The following FSTL5 variants were observed in gnomAD, a reference collection of about 807,000 sequenced individuals.
The protein encoded by FSTL5 is follistatin like 5, also known as follistatin-related protein 5.
A neutral mutation model predicts 89.1 loss-of-function variants in FSTL5; 62 were observed. The observed-to-expected ratio is 0.70, with a 90% CI of 0.57 to 0.86. The LOEUF (loss-of-function observed/expected upper bound fraction) is 0.86. Ranked by LOEUF, FSTL5 falls within the 40% of genes least tolerant of loss-of-function variation. The probability of loss-of-function intolerance (pLI) is 0.00; values close to 1 mark genes in which losing one functional copy is unlikely to be tolerated. For missense variants in FSTL5, 1,057 were observed against 1,001.6 expected (o/e 1.06, Z -0.75); for synonymous variants, 383 against 346.2 (o/e 1.11, Z -1.18).
At position 161,756,750 on chromosome 4, in the gene FSTL5, T is replaced by G. The variant is rs371313128; in HGVS notation, c.727+2661A>C. Among the ~76,000 whole-genome samples the G allele has an allele frequency of 1.3e-5, 2 of 152,298 alleles. 1 individual carries two copies. On this transcript the variant is annotated intron_variant, in intron 6 of 15. Coordinates refer to ENST00000306100, the MANE Select transcript of FSTL5 (RefSeq NM_020116.5). ...AGGGATTGCTTTTCAGTGTCTTTGCTGGCTATCATAAAAATAACAGATTAC... is the reference window on the plus strand; with the variant it reads ...AGGGATTGCTTTTCAGTGTCTTTGCGGGCTATCATAAAAATAACAGATTAC...
At chr4:161,661,236 C>G (rs1304668125) in intron 6 of FSTL5, among the ~76,000 whole-genome samples, 1 of 152,094 alleles carries the variant, frequency 6.6e-6, no homozygotes, top group Non-Finnish European at 1.5e-5. Flanking sequence ...TTCTGCTTTT[C>G]TAAATATCGA....
intron 15 of FSTL5, among the ~76,000 whole-genome samples, chr4:161,412,672 C>A (rs956034636): frequency 6.6e-6 from 1 of 151,982 alleles, no homozygotes; most frequent in Admixed American, 6.6e-5. Context: ...AAAACAAAAC[C>A]AAAACACAGT....
At chr4:161,954,278 T>C (rs1578889411) in intron 3 of FSTL5, among the ~76,000 whole-genome samples, 1 of 151,608 alleles carries the variant, frequency 6.6e-6, no homozygotes, top group African/African-American at 2.4e-5. Flanking sequence ...AAATAACTTT[T>C]TCAAATGAGA....
At chr4:161,979,845 C>G (rs1225271032) in intron 3 of FSTL5, among the ~76,000 whole-genome samples, 2 of 151,992 alleles carry the variant, frequency 1.3e-5, no homozygotes, top group African/African-American at 4.8e-5. Context: ...GGTATGTGTT[C>G]TACGCATGTT....
chr4:161,493,172 A>T (rs1729942403), intron 12 of FSTL5, among the ~76,000 whole-genome samples: 1 of 151,866 alleles, frequency 6.6e-6, no homozygotes, highest in African/African-American at 2.4e-5. Context: ...AAAGATAAAG[A>T]TTTAATCATT....
At chr4:161,566,749 G>A (rs1439997090) in intron 8 of FSTL5, among the ~76,000 whole-genome samples, 1 of 151,986 alleles carries the variant, frequency 6.6e-6, no homozygotes, top group African/African-American at 2.4e-5. Context: ...GAAGGAGGGA[G>A]TAGCAAAAAT....
intron 9 of FSTL5, 122 bp from the exon 10 acceptor site, chr4:161,538,422 T>C: frequency 9.2e-7 from 1 of 1,092,136 alleles, no homozygotes; most frequent in Non-Finnish European, 1.3e-6. Flanking sequence ...CCTTCCTACT[T>C]CCATACTTTG....
chr4:161,798,569 T>C lies in FSTL5; in HGVS notation c.410-22495A>G, dbSNP rs549702233. ...TTGGTCTACATCTGTGGTTCTCACA[T>C]TACAGTTAAAATGCAAATTCTCAGC... On this transcript the variant is annotated intron_variant, in intron 4 of 15. Coordinates refer to ENST00000306100, the MANE Select transcript of FSTL5 (RefSeq NM_020116.5). Among the ~76,000 whole-genome samples, 5 of 151,658 alleles carry C rather than the reference T, an allele frequency of 3.3e-5. No individual in the cohort carries two copies. In the South Asian group the frequency reaches 1.0e-3, roughly 31 times the overall value.
At chr4:161,683,216 A>G (rs1737587986) in intron 6 of FSTL5, among the ~76,000 whole-genome samples, 1 of 151,718 alleles carries the variant, frequency 6.6e-6, no homozygotes, top group Non-Finnish European at 1.5e-5. Flanking sequence ...ATTTACATCA[A>G]TGTCACCACA....
intron 6 of FSTL5, among the ~76,000 whole-genome samples, chr4:161,692,945 A>G (rs146415313): frequency 1.4e-4 from 22 of 152,152 alleles, no homozygotes; most frequent in Admixed American, 7.2e-4. Flanking sequence ...GAAGGTCTCA[A>G]TCTCCTGACC....
At chr4:161,409,393 T>A (rs962377421) in intron 15 of FSTL5, among the ~76,000 whole-genome samples, 3 of 151,634 alleles carry the variant, frequency 2.0e-5, no homozygotes, top group Non-Finnish European at 4.4e-5. Context: ...TTATTATTAT[T>A]ATTTTTTTGA....
chr4:161,714,735 AT>A (rs1738917227), intron 6 of FSTL5, among the ~76,000 whole-genome samples: 1 of 152,150 alleles, frequency 6.6e-6, no homozygotes, highest in African/African-American at 2.4e-5. Flanking sequence ...CATACAAGCC[AT>A]TGTTTTTGCT....
intron 5 of FSTL5, among the ~76,000 whole-genome samples, chr4:161,773,741 G>A (rs1446284930): frequency 6.6e-6 from 1 of 152,158 alleles, no homozygotes; most frequent in Non-Finnish European, 1.5e-5. Context: ...CCGCTGGTGG[G>A]AAACGTAAAC....
chr4:162,023,617 A>G (rs1319269238), intron 3 of FSTL5, among the ~76,000 whole-genome samples: 3 of 152,198 alleles, frequency 2.0e-5, no homozygotes, highest in African/African-American at 4.8e-5. Flanking sequence ...GAACTGACAC[A>G]TTGATCAAAG....
intron 3 of FSTL5, among the ~76,000 whole-genome samples, chr4:162,005,440 T>A (rs988822283): frequency 1.3e-5 from 2 of 152,116 alleles, no homozygotes; most frequent in Admixed American, 6.6e-5. Context: ...CATTATTTTA[T>A]GCATTATTGA....
At chr4:161,958,398 G>A (rs548459961) in intron 3 of FSTL5, among the ~76,000 whole-genome samples, 1 of 152,180 alleles carries the variant, frequency 6.6e-6, no homozygotes, top group South Asian at 2.1e-4. Flanking sequence ...TGATTTGATA[G>A]AATGAATTGA....
chr4:162,053,955 A>G (rs1158788607), intron 2 of FSTL5, among the ~76,000 whole-genome samples: 1 of 151,750 alleles, frequency 6.6e-6, no homozygotes, highest in Non-Finnish European at 1.5e-5. Flanking sequence ...TCCTCATCTC[A>G]TTTGATGAAT....
rs1322403840 is a variant in FSTL5 at position 161,683,464 on chromosome 4, T to C, written c.728-26970A>G. On this transcript the variant is annotated intron_variant, in intron 6 of 15. Transcript: ENST00000306100. The stretch of plus-strand genomic sequence containing the variant: ...TAGCAAGGACAGTATTAATGAAATT[T>C]ATTACTGTTTCACATTAGCATTTTA... Among the ~76,000 whole-genome samples the C allele has an allele frequency of 2.6e-5, 4 of 152,170 alleles. No homozygotes were observed. The East Asian group carries it at 7.7e-4, about 29-fold the overall frequency.
intron 2 of FSTL5, among the ~76,000 whole-genome samples, chr4:162,058,423 C>CTTTTTTTT (rs764578152): frequency 1.8e-5 from 2 of 112,108 alleles, no homozygotes; most frequent in African/African-American, 3.5e-5. Flanking sequence ...ATAAATTCCT[C>CTTTTTTTT]TTTTTTTTTT....
Sources: gnomAD v4.1 joint callset for allele counts (sites outside exome capture counted in the v4.1 genomes callset) on GRCh38, gnomAD v4.1.1 for gene constraint, MANE v1.5 for transcripts, NCBI Gene and HGNC (gene_info 2026-07-23, HGNC 2026-07-21) for gene names.